The following COL4A4 variants were observed in gnomAD, a reference collection of about 807,000 sequenced individuals.
COL4A4 encodes the protein collagen alpha-4(IV) chain.
A neutral mutation model predicts 192.9 loss-of-function variants in COL4A4; 105 were observed. The observed-to-expected ratio is 0.54, with a 90% confidence interval of 0.46 to 0.64. The LOEUF is 0.64. COL4A4 is among the 30% of genes least tolerant of loss of function. The probability of loss-of-function intolerance (pLI) is 0.00; values close to 1 mark genes in which losing one functional copy is unlikely to be tolerated. For synonymous variants in COL4A4, 762 were observed against 769.9 expected (o/e 0.99, Z 0.17); for missense variants, 1,967 against 2,169.3 (o/e 0.91, Z 1.85).
rs564602058 is a variant in COL4A4, at chr2:227,021,742, G to A, written c.4216+306C>T. Among the ~76,000 whole-genome samples, 21 of 152,134 alleles carry A rather than the reference G, an allele frequency of 1.4e-4. No individual in the cohort carries two copies. The South Asian group carries it at 3.5e-3, about 26-fold the overall frequency. The stretch of plus-strand genomic sequence containing the variant: ...CGGGAGGCTGAGGCAGGAGAATGGC[G>A]TGAACCTGGGAGGCGGAGCTTGCAG... On this transcript the variant is annotated intron_variant, in intron 44 of 47. Coordinates refer to ENST00000396625, the MANE Select transcript of COL4A4 (RefSeq NM_000092.5).
At chr2:227,034,282 G>A (rs191401332) in intron 37 of COL4A4, among the ~76,000 whole-genome samples, 103 of 152,314 alleles carry the variant, frequency 6.8e-4, no homozygotes, top group South Asian at 2.9e-3. Context: ...ATGTTGAGTT[G>A]TGTTGAAGTT....
chr2:227,019,001 T>A (rs1385334866), intron 44 of COL4A4, among the ~76,000 whole-genome samples: 2 of 152,210 alleles, frequency 1.3e-5, no homozygotes, highest in African/African-American at 2.4e-5. Context: ...TCTTCCTAGT[T>A]ACTTTCTTTG....
At chr2:227,080,210 G>T (rs1045734476) in intron 24 of COL4A4, among the ~76,000 whole-genome samples, 1 of 152,108 alleles carries the variant, frequency 6.6e-6, no homozygotes, top group Non-Finnish European at 1.5e-5. Flanking sequence ...AAAGACCAAG[G>T]ACCGAAAGTC....
Position 227,102,839 on chromosome 2 carries a change from C to G in COL4A4, c.880G>C (p.Gly294Arg). ...PGPPGRKGES[G>R]IGAKGEKGIP... ...CCTTTTTCTCCTTTTGCCCCAATAC[C>G]AGATTCTCCCTTTAAGAGATGACAA... Residue 294 changes from glycine to arginine, a missense_variant, in exon 15 of 48, where the codon GGT becomes CGT. Physicochemically the swap from Gly to Arg is moderately radical, Grantham distance 125. Transcript: ENST00000396625. The G allele has an allele frequency of 6.2e-7, 1 of 1,612,798 alleles. No individual in the cohort carries two copies. The highest frequency in any genetic ancestry group is 8.5e-7 in the Non-Finnish European group (1 of 1,179,296).
intron 37 of COL4A4, 100 bp downstream of exon 37, chr2:227,042,048 A>C: frequency 1.2e-6 from 1 of 806,796 alleles, no homozygotes; most frequent in Non-Finnish European, 2.2e-6. Flanking sequence ...GAGTGGTATA[A>C]CCAAGAGCAG....
At chr2:227,065,772 G>A (rs1177087474) in intron 25 of COL4A4, among the ~76,000 whole-genome samples, 1 of 152,148 alleles carries the variant, frequency 6.6e-6, no homozygotes, top group Non-Finnish European at 1.5e-5. Context: ...ACAAAGATGG[G>A]GAAAAAACAG....
At chr2:227,160,904 C>G (rs1465688001) in intron 1 of COL4A4, among the ~76,000 whole-genome samples, 1 of 152,148 alleles carries the variant, frequency 6.6e-6, no homozygotes, top group Non-Finnish European at 1.5e-5. Context: ...CACCCAAGAG[C>G]CTAATTGTTT....
Position 227,140,030 on chromosome 2 carries a change from C to A in COL4A4, c.192+131G>T, listed in dbSNP as rs1289931024. ...GAGATTGCTATTAGAATGTGAAAAA[C>A]TTCGGCTGTGAAATACATAAACATT... is the stretch of plus-strand genomic sequence containing the variant. On this transcript the variant is annotated intron_variant, in intron 4 of 47. Coordinates refer to ENST00000396625, the MANE Select transcript of COL4A4 (RefSeq NM_000092.5). The A allele has an allele frequency of 2.9e-5, 22 of 761,394 alleles. No homozygotes were observed. In the East Asian group the frequency reaches 5.6e-4, roughly 19 times the overall value. 47.2% of individuals were successfully genotyped at this position (761,394 alleles called of 1,614,324 possible). A position where few individuals can be genotyped will look rare whatever the true frequency, so the allele number is the denominator to read the frequency against.
At chr2:227,036,390 A>G (rs1969680033) in intron 37 of COL4A4, among the ~76,000 whole-genome samples, 1 of 152,288 alleles carries the variant, frequency 6.6e-6, no homozygotes, top group East Asian at 1.9e-4. Flanking sequence ...AGGGTGACCA[A>G]CGTGTCCCTG....
the COL4A4 span, among the ~76,000 whole-genome samples, chr2:226,983,487 G>C: frequency 1.3e-5 from 2 of 152,128 alleles, no homozygotes; most frequent in African/African-American, 2.4e-5. Flanking sequence ...CAACAGCCTT[G>C]TTTTACAAGA....
chr2:227,021,025 C>T (rs928372984), intron 44 of COL4A4, among the ~76,000 whole-genome samples: 1 of 151,856 alleles, frequency 6.6e-6, no homozygotes, highest in Non-Finnish European at 1.5e-5. Flanking sequence ...GCCACCAAGC[C>T]CTGCTAATTT....
intron 12 of COL4A4, among the ~76,000 whole-genome samples, chr2:227,105,766 A>G (rs911826708): frequency 3.3e-5 from 5 of 152,180 alleles, no homozygotes; most frequent in Non-Finnish European, 4.4e-5. Flanking sequence ...TAGGTCACCC[A>G]TGTTTGCAAA....
chr2:227,131,354 G>A (rs1281688269), intron 4 of COL4A4, among the ~76,000 whole-genome samples: 10 of 151,800 alleles, frequency 6.6e-5, no homozygotes, highest in Admixed American at 1.3e-4. Flanking sequence ...ACAGGTTTTC[G>A]CCATGTTAGC....
chr2:227,053,251 T>G (rs1268532024), intron 31 of COL4A4, among the ~76,000 whole-genome samples: 1 of 152,100 alleles, frequency 6.6e-6, no homozygotes, highest in Non-Finnish European at 1.5e-5. Flanking sequence ...ACATAAATAA[T>G]TTACAAGCTA....
chr2:227,000,929 G>A (rs534194264), downstream of COL4A4, among the ~76,000 whole-genome samples: 1 of 152,256 alleles, frequency 6.6e-6, no homozygotes, highest in East Asian at 1.9e-4. Context: ...CATGTGAGAC[G>A]TGCCTTTCAC....
At chr2:226,976,761 G>T in the COL4A4 span, among the ~76,000 whole-genome samples, 1 of 152,182 alleles carries the variant, frequency 6.6e-6, no homozygotes, top group South Asian at 2.1e-4. Flanking sequence ...CTATGACTTG[G>T]GCCTATCGGG....
chr2:227,090,442 G>T (rs1408728521), intron 20 of COL4A4, among the ~76,000 whole-genome samples: 4 of 151,998 alleles, frequency 2.6e-5, no homozygotes, highest in African/African-American at 7.2e-5. Flanking sequence ...TAGAGTAAAA[G>T]AATATTATAA....
At chr2:227,012,758 T>C (rs1964047799) in intron 44 of COL4A4, among the ~76,000 whole-genome samples, 1 of 152,166 alleles carries the variant, frequency 6.6e-6, no homozygotes, top group South Asian at 2.1e-4. Context: ...TGGGGTCACG[T>C]TAAATCTGGA....
intron 37 of COL4A4, among the ~76,000 whole-genome samples, chr2:227,034,522 CTTCCACCCAGTAGCTG>C (rs1969135811): frequency 1.3e-5 from 2 of 151,742 alleles, no homozygotes; most frequent in Non-Finnish European, 2.9e-5. Context: ...ATCAGTAGAT[CTTCCACCCAGTAGCTG>C]TTCTTTTTTT....
Sources: allele counts gnomAD v4.1 joint callset (sites outside exome capture counted in the v4.1 genomes callset), GRCh38; gene constraint gnomAD v4.1.1; transcripts MANE v1.5; gene names NCBI Gene and HGNC (gene_info 2026-07-23, HGNC 2026-07-21).